The following LRRC7 variants were observed in gnomAD, a reference collection of about 807,000 sequenced individuals.
LRRC7 encodes the protein leucine-rich repeat-containing protein 7.
LRRC7 carries 23 observed loss-of-function variants against 175.7 expected under a neutral mutation model. That is an observed-to-expected ratio of 0.13 (90% CI 0.09 to 0.19). LRRC7 has a LOEUF of 0.19. Ranked by LOEUF, LRRC7 falls within the 10% of genes least tolerant of loss-of-function variation. The probability of loss-of-function intolerance (pLI) is 1.00; values close to 1 mark genes in which losing one functional copy is unlikely to be tolerated. For synonymous variants in LRRC7, 685 were observed against 680.9 expected (o/e 1.01, Z -0.09); for missense variants, 1,354 against 1,904.7 (o/e 0.71, Z 5.38).
intron 1 of LRRC7, among the ~76,000 whole-genome samples, chr1:69,617,546 G>GAAAAAAAAAAAAA (rs1649830378): frequency 9.5e-5 from 1 of 10,484 alleles, no homozygotes; most frequent in Non-Finnish European, 1.9e-4. Flanking sequence ...TATACTCACA[G>GAAAAAAAAAAAAA]TAAAAAAAAA....
At chr1:69,948,761 T>A (rs200300558) in intron 8 of LRRC7, among the ~76,000 whole-genome samples, 2 of 152,266 alleles carry the variant, frequency 1.3e-5, no homozygotes, top group South Asian at 4.1e-4. Context: ...GCCATTGATA[T>A]AGGATTCTTA....
intron 1 of LRRC7, 43 bp downstream of exon 1, chr1:69,568,684 G>A (rs1314520819): frequency 7.8e-6 from 6 of 769,664 alleles, no homozygotes; most frequent in Non-Finnish European, 1.1e-5. Flanking sequence ...GTGCTGCGGG[G>A]GCCCGGCCGC....
At chr1:69,652,015 A>G (rs529496511) in intron 1 of LRRC7, among the ~76,000 whole-genome samples, 1 of 152,186 alleles carries the variant, frequency 6.6e-6, no homozygotes, top group Non-Finnish European at 1.5e-5. Flanking sequence ...AGGAGTGGAG[A>G]GTGTATCCTG....
chr1:70,107,444 T>A (rs1665220670), intron 25 of LRRC7, among the ~76,000 whole-genome samples: 1 of 152,180 alleles, frequency 6.6e-6, no homozygotes. Context: ...ATACAAAAAA[T>A]GATTCAGCAT....
chr1:69,744,503 T>A (rs1669053736), intron 2 of LRRC7, among the ~76,000 whole-genome samples: 1 of 151,880 alleles, frequency 6.6e-6, no homozygotes, highest in Non-Finnish European at 1.5e-5. Context: ...TTGTTCTCCA[T>A]ATATCTAGAA....
At chr1:70,076,044 G>T (rs1165224635) in intron 23 of LRRC7, 33 bp from the exon 24 acceptor site, 1 of 1,608,480 alleles carries the variant, frequency 6.2e-7, no homozygotes, top group South Asian at 1.1e-5. Flanking sequence ...TCAGCACCAT[G>T]AATCTTTGCC....
chr1:70,039,027 T>A lies in LRRC7; in HGVS notation c.3203T>A (p.Phe1068Tyr). 6.2e-7 allele frequency: 1 copy of A among 1,614,022 alleles called. No individual in the cohort carries two copies. ...TCTATGACAAAAAAAGTCTATCAGT[T>A]TGACCAAAGCTTCAATCCTCAAGGA... ...KASMTKKVYQ[F>Y]DQSFNPQGSV... Residue 1068 changes from phenylalanine to tyrosine, a missense_variant, in exon 21 of 27, where the codon TTT (phenylalanine) becomes TAT (tyrosine). Coordinates refer to ENST00000651989, the MANE Select transcript of LRRC7 (RefSeq NM_001370785.2).
intron 11 of LRRC7, among the ~76,000 whole-genome samples, chr1:69,997,796 G>A (rs556974890): frequency 9.2e-5 from 14 of 151,946 alleles, no homozygotes; most frequent in Admixed American, 3.9e-4. Context: ...TGCTGGATTC[G>A]TTTTGCCAGT....
At chr1:69,717,809 AG>A (rs1348157509) in intron 2 of LRRC7, among the ~76,000 whole-genome samples, 22 of 45,894 alleles carry the variant, frequency 4.8e-4, no homozygotes, top group East Asian at 1.6e-3. Context: ...AAAGAAAGAA[AG>A]AAAGAAAGAA....
intron 2 of LRRC7, among the ~76,000 whole-genome samples, chr1:69,742,351 G>C (rs1331930619): frequency 6.6e-6 from 1 of 151,934 alleles, no homozygotes; most frequent in Admixed American, 6.6e-5. Flanking sequence ...CTTTATACAA[G>C]TTATATATAA....
intron 2 of LRRC7, among the ~76,000 whole-genome samples, chr1:69,718,138 G>GGA (rs1665885766): frequency 2.4e-5 from 1 of 40,972 alleles, no homozygotes; most frequent in Admixed American, 2.5e-4. Flanking sequence ...AAGAAAGAAA[G>GGA]AGAGAGAAAG....
At chr1:69,755,950 C>A (rs1670376275) in intron 2 of LRRC7, among the ~76,000 whole-genome samples, 1 of 151,792 alleles carries the variant, frequency 6.6e-6, no homozygotes, top group African/African-American at 2.4e-5. Context: ...TGTGGACAAC[C>A]TTTACCATGA....
rs1646396339 is a variant in LRRC7 at position 69,567,960 on chromosome 1, G to A, written c.-680G>A. On this transcript the variant is annotated 5_prime_UTR_variant, in exon 1 of 27. Transcript: ENST00000651989. ...CCTGTGCGCCGAGCCACTGCACCGA[G>A]GAGGACCCTACTCCGGGTGAACACC... Among the ~76,000 whole-genome samples the A allele has an allele frequency of 6.6e-6, 1 of 152,074 alleles. No homozygotes were observed. The highest frequency in any genetic ancestry group is 2.1e-4 in the South Asian group (1 of 4,836).
At chr1:69,723,089 GTTC>G (rs1020839585) in intron 2 of LRRC7, among the ~76,000 whole-genome samples, 3 of 151,862 alleles carry the variant, frequency 2.0e-5, no homozygotes, top group African/African-American at 4.8e-5. Flanking sequence ...ATTATATGTG[GTTC>G]TTCTATTTAT....
chr1:69,844,304 T>TG (rs1682089899), intron 7 of LRRC7, among the ~76,000 whole-genome samples: 1 of 152,148 alleles, frequency 6.6e-6, no homozygotes, highest in African/African-American at 2.4e-5. Context: ...GTCTGCAACT[T>TG]GTTCATCTTG....
chr1:70,038,203 T>A lies in LRRC7; in HGVS notation c.2379T>A (p.Pro793=). ...CCCCAGGCAATATACCACAGCGTCC[T>A]GACCGGCTGCCCATGAGTGATACTT... The part of the protein sequence containing the change: ...AVPPGNIPQR[P]DRLPMSDTFT... The change falls in exon 21 of 27, where the codon CCT becomes CCA. Residue 793 remains proline, a synonymous_variant. Transcript: ENST00000651989. 1 of 1,614,156 alleles carries A rather than the reference T, an allele frequency of 6.2e-7. No homozygotes were observed. Among genetic ancestry groups the A allele is most frequent in the Non-Finnish European group, 8.5e-7 (1 of 1,180,010 alleles).
chr1:69,625,151 A>G, intron 1 of LRRC7, among the ~76,000 whole-genome samples: 1 of 151,912 alleles, frequency 6.6e-6, no homozygotes, highest in Non-Finnish European at 1.5e-5. Flanking sequence ...GATTTTAATT[A>G]CAGATTAAAT....
intron 7 of LRRC7, among the ~76,000 whole-genome samples, chr1:69,894,392 A>T (rs983538465): frequency 7.9e-5 from 12 of 152,182 alleles, no homozygotes; most frequent in African/African-American, 2.4e-4. Context: ...ACCCAAAATG[A>T]ATTCAAGATA....
At chr1:69,793,357 G>A (rs931527610) in intron 4 of LRRC7, among the ~76,000 whole-genome samples, 4 of 152,036 alleles carry the variant, frequency 2.6e-5, no homozygotes, top group African/African-American at 9.7e-5. Flanking sequence ...TGGGAAATAA[G>A]GATCTGTTTT....
Sources: allele counts gnomAD v4.1 joint callset (sites outside exome capture counted in the v4.1 genomes callset), GRCh38; gene constraint gnomAD v4.1.1; transcripts MANE v1.5; gene names NCBI Gene and HGNC (gene_info 2026-07-23, HGNC 2026-07-21).